The following KCNJ6 variants were observed in gnomAD, a reference collection of about 807,000 sequenced individuals.
KCNJ6 encodes G protein-activated inward rectifier potassium channel 2.
In KCNJ6, 9 loss-of-function variants were observed where a neutral mutation model predicts 34.2. That is an observed-to-expected ratio of 0.26 (90% CI 0.16 to 0.46). KCNJ6 has a LOEUF of 0.46. KCNJ6 is among the 20% of genes least tolerant of loss of function. KCNJ6 has a pLI of 1.00. For synonymous variants in KCNJ6, 196 were observed against 207.1 expected (o/e 0.95, Z 0.46); for missense variants, 236 against 531.3 (o/e 0.44, Z 5.46).
At chr21:37,627,015 C>A (rs1260002964) in intron 3 of KCNJ6, among the ~76,000 whole-genome samples, 3 of 152,090 alleles carry the variant, frequency 2.0e-5, no homozygotes, top group Non-Finnish European at 4.4e-5. Context: ...GTTAGGACCA[C>A]CAATAAGTAT....
At chr21:37,897,239 G>A (rs929961644) in intron 1 of KCNJ6, among the ~76,000 whole-genome samples, 1 of 152,290 alleles carries the variant, frequency 6.6e-6, no homozygotes, top group East Asian at 1.9e-4. Flanking sequence ...CCATTGGTGC[G>A]TGGACTCCTC....
At chr21:37,677,655 T>C (rs994067657) in intron 3 of KCNJ6, among the ~76,000 whole-genome samples, 5 of 152,086 alleles carry the variant, frequency 3.3e-5, no homozygotes, top group Admixed American at 1.3e-4. Context: ...TGTTTGACTA[T>C]TGCATAAGCT....
At chr21:37,786,331 G>C (rs2055192346) in intron 2 of KCNJ6, among the ~76,000 whole-genome samples, 1 of 152,216 alleles carries the variant, frequency 6.6e-6, no homozygotes, top group Admixed American at 6.5e-5. Context: ...CCAAGTGACA[G>C]AGGTTGGCAC....
At chr21:37,628,518 T>G (rs900152235) in intron 3 of KCNJ6, among the ~76,000 whole-genome samples, 6 of 151,898 alleles carry the variant, frequency 4.0e-5, no homozygotes, top group Non-Finnish European at 8.8e-5. Flanking sequence ...TGGAGAAAAA[T>G]GAACAGTGCC....
intron 3 of KCNJ6, among the ~76,000 whole-genome samples, chr21:37,709,354 T>C (rs917646702): frequency 6.6e-6 from 1 of 151,440 alleles, no homozygotes; most frequent in African/African-American, 2.4e-5. Flanking sequence ...TCTACTAAAA[T>C]TACAAAATTA....
intron 3 of KCNJ6, among the ~76,000 whole-genome samples, chr21:37,684,552 A>G (rs1270333090): frequency 1.3e-5 from 2 of 152,244 alleles, no homozygotes; most frequent in Admixed American, 6.5e-5. Flanking sequence ...TAGCATAGGA[A>G]GGTTAGGGGA....
At chr21:37,894,556 T>C (rs2055778572) in intron 1 of KCNJ6, among the ~76,000 whole-genome samples, 1 of 152,218 alleles carries the variant, frequency 6.6e-6, no homozygotes, top group East Asian at 1.9e-4. Context: ...TCCCAGCTAC[T>C]TGGGAGGCTG....
intron 2 of KCNJ6, among the ~76,000 whole-genome samples, chr21:37,752,977 A>G (rs1446271378): frequency 1.3e-5 from 2 of 152,202 alleles, no homozygotes; most frequent in Admixed American, 6.5e-5. Flanking sequence ...TAAGTAGCCA[A>G]AGTGAGAGAA....
At chr21:37,739,995 T>C (rs372715183) in intron 2 of KCNJ6, among the ~76,000 whole-genome samples, 168 of 152,118 alleles carry the variant, frequency 1.1e-3, no homozygotes, top group Non-Finnish European at 1.8e-3. Context: ...GTGGCAACAT[T>C]GCCAGTCTCC....
At chr21:37,704,660 G>GTCATCATCA (rs56195622) in intron 3 of KCNJ6, among the ~76,000 whole-genome samples, 2 of 150,474 alleles carry the variant, frequency 1.3e-5, no homozygotes, top group Non-Finnish European at 3.0e-5. Flanking sequence ...ATGAGTCGTC[G>GTCATCATCA]TCATCATCAT....
At chr21:37,847,034 T>C (rs185365980) in intron 1 of KCNJ6, among the ~76,000 whole-genome samples, 59 of 152,292 alleles carry the variant, frequency 3.9e-4, no homozygotes, top group African/African-American at 1.4e-3. Context: ...CCGAAAAATA[T>C]AGGCCACAGC....
At chr21:37,690,400 GTC>G (rs1453776915) in intron 3 of KCNJ6, among the ~76,000 whole-genome samples, 1 of 152,184 alleles carries the variant, frequency 6.6e-6, no homozygotes, top group African/African-American at 2.4e-5. Context: ...GCAATAAACT[GTC>G]TGTTTGCATT....
rs1225851822 is a variant in KCNJ6, at chr21:37,744,153, G to T, written c.26-29022C>A. Among the ~76,000 whole-genome samples, 4 of 131,618 alleles carry T rather than the reference G, an allele frequency of 3.0e-5. No homozygotes were observed. In the East Asian group the frequency reaches 9.6e-4, roughly 32 times the overall value. The allele number at this position is 131,618 out of a possible 152,430, so 86.3% of individuals were successfully genotyped here. ...CAGGAAGAGGAACATCACACACCGG[G>T]GACTGTTGTGGGGTGGGGGGAGGGG... On this transcript the variant is annotated intron_variant, in intron 2 of 3. Transcript: ENST00000609713.
At chr21:37,649,927 T>A (rs1396052373) in intron 3 of KCNJ6, among the ~76,000 whole-genome samples, 4 of 151,672 alleles carry the variant, frequency 2.6e-5, no homozygotes, top group Non-Finnish European at 4.4e-5. Context: ...CTAATTTTTT[T>A]TTTTTTTTTG....
intron 1 of KCNJ6, among the ~76,000 whole-genome samples, chr21:37,871,885 A>G (rs2055654288): frequency 6.6e-6 from 1 of 152,252 alleles, no homozygotes; most frequent in South Asian, 2.1e-4. Context: ...ATTCTTGGAC[A>G]TTAGGCAGCT....
At chr21:37,842,944 C>G (rs1211411388) in intron 1 of KCNJ6, among the ~76,000 whole-genome samples, 1 of 152,160 alleles carries the variant, frequency 6.6e-6, no homozygotes, top group Admixed American at 6.5e-5. Flanking sequence ...TGTACTAGCT[C>G]TCCTTGTGTC....
intron 1 of KCNJ6, among the ~76,000 whole-genome samples, chr21:37,844,749 A>AC (rs2055498065): frequency 6.6e-6 from 1 of 152,116 alleles, no homozygotes; most frequent in Admixed American, 6.5e-5. Flanking sequence ...CTGGGCACCA[A>AC]CCAGTCTCTG....
rs760597650 is a variant in KCNJ6, at chr21:37,914,008, G to GGCGTGTGT, written c.-28+1875_-28+1876insACACACGC. Among the ~76,000 whole-genome samples, 220 of 135,588 alleles carry GGCGTGTGT rather than the reference G, an allele frequency of 1.6e-3. 2 individuals carry two copies. Among genetic ancestry groups the GGCGTGTGT allele is most frequent in the Non-Finnish European group, 2.6e-3 (163 of 63,466 alleles). 89.0% of individuals were successfully genotyped at this position (135,588 alleles called of 152,430 possible). A position where few individuals can be genotyped will look rare whatever the true frequency, so the allele number is the denominator to read the frequency against. ...GCAACCCTCGTCAGAGGCGGATCGGGGTGTGTGTGTGTGTGTGTGTGTGTG... is the reference window on the plus strand; with the variant it reads ...GCAACCCTCGTCAGAGGCGGATCGGGGCGTGTGTGTGTGTGTGTGTGTGTGTGTGTGTG... On this transcript the variant is annotated intron_variant, in intron 1 of 3. Coordinates refer to ENST00000609713, the MANE Select transcript of KCNJ6 (RefSeq NM_002240.5).
intron 3 of KCNJ6, among the ~76,000 whole-genome samples, chr21:37,697,862 T>C (rs2054670748): frequency 6.6e-6 from 1 of 151,988 alleles, no homozygotes; most frequent in South Asian, 2.1e-4. Context: ...CAAATAGGGG[T>C]GGGAGAGAGA....
Sources: allele counts gnomAD v4.1 joint callset (sites outside exome capture counted in the v4.1 genomes callset), GRCh38; gene constraint gnomAD v4.1.1; transcripts MANE v1.5; gene names NCBI Gene and HGNC (gene_info 2026-07-23, HGNC 2026-07-21).